The following ADAMTS12 variants were observed in gnomAD, a reference collection of about 807,000 sequenced individuals.
ADAMTS12 encodes ADAM metallopeptidase with thrombospondin type 1 motif 12.
Under a neutral mutation model 167.8 loss-of-function variants are expected in ADAMTS12, and 118 were observed. That is an observed-to-expected ratio of 0.70 (90% CI 0.61 to 0.82). The LOEUF (loss-of-function observed/expected upper bound fraction) is 0.82. Ranked by LOEUF, ADAMTS12 falls within the 40% of genes least tolerant of loss-of-function variation. The pLI, the probability that ADAMTS12 is intolerant of heterozygous loss-of-function variation, is 0.00. For missense variants in ADAMTS12, 1,916 were observed against 1,998.8 expected, an observed-to-expected ratio of 0.96 and a Z score of 0.79; for synonymous variants, 704 against 716.9, an observed-to-expected ratio of 0.98 and a Z score of 0.29.
At chr5:33,810,003 AG>A (rs1747393171) in intron 2 of ADAMTS12, among the ~76,000 whole-genome samples, 4 of 137,816 alleles carry the variant, frequency 2.9e-5, no homozygotes, top group African/African-American at 1.2e-4. Context: ...AAAAAAAAAC[AG>A]ATTAGAAGCA....
rs1430458510 is a variant in ADAMTS12, at chr5:33,626,803, A to AG, written c.2023-2453dup. On this transcript the variant is annotated intron_variant, in intron 13 of 23. Coordinates refer to ENST00000504830, the MANE Select transcript of ADAMTS12 (RefSeq NM_030955.4). ...ATGATGGTGGTGGTGGTGATGCGGTAGGGTAGTGGTGATTTGACGATGGTG... is the reference window on the plus strand; with the variant it reads ...ATGATGGTGGTGGTGGTGATGCGGTAGGGGTAGTGGTGATTTGACGATGGTG... Among the ~76,000 whole-genome samples the AG allele has an allele frequency of 2.3e-5, 3 of 130,304 alleles. No individual in the cohort carries two copies. In the Admixed American group the frequency reaches 2.3e-4, roughly 10 times the overall value. 85.5% of individuals were successfully genotyped at this position (130,304 alleles called of 152,430 possible). A position where few individuals can be genotyped will look rare whatever the true frequency, so the allele number is the denominator to read the frequency against.
rs181370821 is a variant in ADAMTS12 at position 33,588,876 on chromosome 5, A to C, written c.2655-67T>G. 1,851 of 1,569,292 alleles carry C rather than the reference A, an allele frequency of 1.2e-3. 11 individuals carry two copies. The highest frequency in any genetic ancestry group is 2.7e-3 in the South Asian group (237 of 88,214). ...ACGCATATGTTCCATTCAACCACTG[A>C]GAAAGCAGGGGCAGAAATGCAGATC... On this transcript the variant is annotated intron_variant, in intron 17 of 23. Transcript: ENST00000504830.
chr5:33,646,339 A>G (rs1740662175), intron 9 of ADAMTS12, among the ~76,000 whole-genome samples: 1 of 152,198 alleles, frequency 6.6e-6, no homozygotes, highest in Admixed American at 6.5e-5. Context: ...AAACCTAGTT[A>G]CTTAGGTCTT....
chr5:33,549,514 C>A (rs1579651610), intron 20 of ADAMTS12, 131 bp from the exon 21 acceptor site: 1 of 1,085,676 alleles, frequency 9.2e-7, no homozygotes, highest in Non-Finnish European at 1.3e-6. Flanking sequence ...GTGAACCCTG[C>A]TTTCCCTCCC....
At chr5:33,811,956 G>C (rs35446305) in intron 2 of ADAMTS12, among the ~76,000 whole-genome samples, 36,975 of 152,026 alleles carry the variant, frequency 0.24, 5,978 homozygotes, top group Non-Finnish European at 0.36. Context: ...AGTGAAGTCA[G>C]GGATGACATA....
At chr5:33,861,416 C>A (rs548557162) in intron 2 of ADAMTS12, among the ~76,000 whole-genome samples, 2 of 152,020 alleles carry the variant, frequency 1.3e-5, no homozygotes, top group Admixed American at 6.6e-5. Context: ...CAAAAAAGAT[C>A]AAAAAAGACA....
At chr5:33,869,761 G>A (rs1297981582) in intron 2 of ADAMTS12, among the ~76,000 whole-genome samples, 1 of 152,134 alleles carries the variant, frequency 6.6e-6, no homozygotes, top group African/African-American at 2.4e-5. Flanking sequence ...ATGTCCCACT[G>A]GGCACACATT....
At chr5:33,832,194 T>C (rs1379771980) in intron 2 of ADAMTS12, among the ~76,000 whole-genome samples, 1 of 152,216 alleles carries the variant, frequency 6.6e-6, no homozygotes, top group Non-Finnish European at 1.5e-5. Flanking sequence ...TATGGGAGGA[T>C]ATATAAGTTG....
chr5:33,810,732 A>G (rs6891568), intron 2 of ADAMTS12, among the ~76,000 whole-genome samples: 149,443 of 152,304 alleles, frequency 0.98, 73,381 homozygotes, highest in East Asian at 1. Context: ...TGAGGGGAAA[A>G]GTCTTTCTTC....
chr5:33,645,957 C>A (rs932944629), intron 9 of ADAMTS12, among the ~76,000 whole-genome samples: 4 of 152,086 alleles, frequency 2.6e-5, no homozygotes, highest in African/African-American at 9.7e-5. Context: ...TCTAATAAAG[C>A]TTTGACACAG....
intron 16 of ADAMTS12, among the ~76,000 whole-genome samples, chr5:33,604,523 A>G (rs59339601): frequency 0.018 from 2,611 of 146,794 alleles, 84 homozygotes; most frequent in African/African-American, 0.063. Flanking sequence ...AAAAGAAAAG[A>G]AAAGAAAAGA....
chr5:33,815,263 C>A (rs1747604522), intron 2 of ADAMTS12, among the ~76,000 whole-genome samples: 1 of 152,176 alleles, frequency 6.6e-6, no homozygotes, highest in South Asian at 2.1e-4. Flanking sequence ...CCATTAAAGT[C>A]ATAGATTGAA....
chr5:33,527,059 G>T lies in ADAMTS12; in HGVS notation c.*129C>A. On this transcript the variant is annotated 3_prime_UTR_variant, in exon 24 of 24. Coordinates refer to ENST00000504830, the MANE Select transcript of ADAMTS12 (RefSeq NM_030955.4). ...TGGCTAGAGGAACACAATGGATTTT[G>T]TTTCATCATGACCCAAAGCTGAATC... is the stretch of plus-strand genomic sequence containing the variant. 8.0e-7 allele frequency: 1 copy of T among 1,247,010 alleles called. No individual in the cohort carries two copies. Among genetic ancestry groups the T allele is most frequent in the Non-Finnish European group, 1.1e-6 (1 of 890,852 alleles). The allele number at this position is 1,247,010 out of a possible 1,614,324, so 77.2% of individuals were successfully genotyped here.
intron 10 of ADAMTS12, 46 bp from the exon 11 acceptor site, chr5:33,642,001 A>G (rs372804775): frequency 4.6e-5 from 71 of 1,554,564 alleles, no homozygotes; most frequent in Non-Finnish European, 5.9e-5. Context: ...GAAGGTTACC[A>G]GAGCAAGCTG....
chr5:33,696,173 G>A (rs1358966412), intron 3 of ADAMTS12, among the ~76,000 whole-genome samples: 1 of 152,096 alleles, frequency 6.6e-6, no homozygotes, highest in African/African-American at 2.4e-5. Flanking sequence ...TGTAATCCCA[G>A]CACTTTGGGA....
chr5:33,787,225 T>C (rs552841613), intron 2 of ADAMTS12, among the ~76,000 whole-genome samples: 46 of 152,274 alleles, frequency 3.0e-4, no homozygotes, highest in South Asian at 2.7e-3. Context: ...ATTTTACTGA[T>C]TGTCAGGTTT....
chr5:33,765,999 G>C (rs936706881), intron 2 of ADAMTS12, among the ~76,000 whole-genome samples: 1 of 151,992 alleles, frequency 6.6e-6, no homozygotes, highest in Non-Finnish European at 1.5e-5. Flanking sequence ...CGGTTGTTCT[G>C]CCTATACTTC....
intron 3 of ADAMTS12, among the ~76,000 whole-genome samples, chr5:33,730,255 G>T (rs965885902): frequency 2.6e-5 from 4 of 151,076 alleles, no homozygotes; most frequent in Admixed American, 6.6e-5. Context: ...ATTGTATAAG[G>T]TGCTGGTGCT....
intron 2 of ADAMTS12, among the ~76,000 whole-genome samples, chr5:33,816,724 AG>A: frequency 6.6e-6 from 1 of 152,214 alleles, no homozygotes; most frequent in Non-Finnish European, 1.5e-5. Context: ...TGGAAATGAC[AG>A]GTGAGGAAAG....
Sources: allele counts gnomAD v4.1 joint callset (sites outside exome capture counted in the v4.1 genomes callset), GRCh38; gene constraint gnomAD v4.1.1; transcripts MANE v1.5; gene names NCBI Gene and HGNC (gene_info 2026-07-23, HGNC 2026-07-21).